Variants in CSMD1 observed in about 807,000 individuals in gnomAD.
CSMD1 encodes CUB and Sushi multiple domains 1.
In CSMD1, 213 loss-of-function variants were observed where a neutral mutation model predicts 417.5. The observed-to-expected ratio is 0.51, with a 90% confidence interval of 0.46 to 0.57. The LOEUF (loss-of-function observed/expected upper bound fraction) is 0.57. Among genes scored for constraint, CSMD1 ranks in the 20% least tolerant of loss-of-function variants. The pLI, the probability that CSMD1 is intolerant of heterozygous loss-of-function variation, is 0.00. For missense variants in CSMD1, 6,923 were observed against 4,529.7 expected, an observed-to-expected ratio of 1.53 and a Z score of -15.17; for synonymous variants, 2,862 against 1,736.8, an observed-to-expected ratio of 1.65 and a Z score of -16.11.
chr8:4,617,248 C>G lies in CSMD1; in HGVS notation c.302+20094G>C, dbSNP rs893287820. Among the ~76,000 whole-genome samples, 14 of 152,080 alleles carry G rather than the reference C, an allele frequency of 9.2e-5. 1 individual carries two copies. The highest frequency in any genetic ancestry group is 3.1e-4 in the African/African-American group (13 of 41,416). ...TGAATAAAGAAAATATAAATAAAAT[C>G]TTTAAGAGCGATTACTTGCTTCACC... On this transcript the variant is annotated intron_variant, in intron 2 of 69. Coordinates refer to ENST00000635120, the MANE Select transcript of CSMD1 (RefSeq NM_033225.6).
At chr8:3,193,860 A>T (rs1275253439) in intron 33 of CSMD1, among the ~76,000 whole-genome samples, 1 of 152,198 alleles carries the variant, frequency 6.6e-6, no homozygotes, top group Non-Finnish European at 1.5e-5. Flanking sequence ...ATCACCCTTC[A>T]ACACCACAAA....
chr8:4,306,493 C>T (rs1403988851), intron 3 of CSMD1, among the ~76,000 whole-genome samples: 1 of 152,080 alleles, frequency 6.6e-6, no homozygotes, highest in African/African-American at 2.4e-5. Context: ...GGTGTAAGAT[C>T]TCATTTCTAG....
chr8:3,307,637 C>G (rs918633351), intron 25 of CSMD1, 58 bp downstream of exon 25: 1 of 1,548,352 alleles, frequency 6.5e-7, no homozygotes, highest in Non-Finnish European at 8.8e-7. Flanking sequence ...ATCTCTGCTA[C>G]AAGAATAGAA....
Position 4,181,977 on chromosome 8 carries a change from G to GTGA in CSMD1, c.416-149879_416-149878insTCA, listed in dbSNP as rs1584973459. Among the ~76,000 whole-genome samples the GTGA allele has an allele frequency of 3.6e-5, 5 of 137,484 alleles. No homozygotes were observed. The East Asian group carries it at 6.8e-4, about 19-fold the overall frequency. 90.2% of individuals were successfully genotyped at this position (137,484 alleles called of 152,430 possible). ...GTCTGCGTGTGTGTGTGTGTGTGAT[G>GTGA]TGTGTGTAATGTTTACATTTTTAAG... On this transcript the variant is annotated intron_variant, in intron 3 of 69. Transcript: ENST00000635120.
intron 3 of CSMD1, among the ~76,000 whole-genome samples, chr8:4,355,485 G>C (rs1245353708): frequency 2.0e-5 from 3 of 152,108 alleles, no homozygotes; most frequent in Non-Finnish European, 2.9e-5. Flanking sequence ...TTTATTAAAA[G>C]TAGAGTGAAT....
At chr8:4,089,770 G>T (rs1048598550) in intron 3 of CSMD1, among the ~76,000 whole-genome samples, 1 of 152,100 alleles carries the variant, frequency 6.6e-6, no homozygotes, top group Non-Finnish European at 1.5e-5. Flanking sequence ...GGGTATTTTT[G>T]TTATGGGCAA....
chr8:3,690,706 A>G (rs996994182), intron 7 of CSMD1, among the ~76,000 whole-genome samples: 7 of 152,190 alleles, frequency 4.6e-5, no homozygotes, highest in African/African-American at 1.7e-4. Context: ...TAAAGCGCAT[A>G]GCTGATACAT....
At chr8:4,288,144 A>T (rs146080310) in intron 3 of CSMD1, among the ~76,000 whole-genome samples, 30 of 152,100 alleles carry the variant, frequency 2.0e-4, no homozygotes, top group Non-Finnish European at 1.6e-4. Flanking sequence ...TTAAAGTTTG[A>T]CTGAGAAAAG....
intron 3 of CSMD1, among the ~76,000 whole-genome samples, chr8:4,386,303 C>T (rs1043042279): frequency 6.6e-6 from 1 of 152,092 alleles, no homozygotes; most frequent in Non-Finnish European, 1.5e-5. Flanking sequence ...AAACAAAACA[C>T]ACTATCAGAC....
chr8:3,836,511 A>C (rs1342546238), intron 5 of CSMD1, among the ~76,000 whole-genome samples: 3 of 152,170 alleles, frequency 2.0e-5, no homozygotes, highest in Non-Finnish European at 4.4e-5. Flanking sequence ...ATTTTAAGCC[A>C]CATCTTACCC....
intron 2 of CSMD1, among the ~76,000 whole-genome samples, chr8:4,454,114 G>A (rs182664585): frequency 3.3e-5 from 5 of 152,064 alleles, no homozygotes; most frequent in Admixed American, 6.5e-5. Flanking sequence ...GAGCCACTGT[G>A]CCCAGCCTGC....
chr8:4,067,428 G>T (rs185309893), intron 3 of CSMD1, among the ~76,000 whole-genome samples: 22 of 152,038 alleles, frequency 1.4e-4, no homozygotes, highest in Non-Finnish European at 2.8e-4. Flanking sequence ...ATTTCCCAGA[G>T]AATTTATTAT....
At chr8:3,553,568 G>T (rs1009844882) in intron 10 of CSMD1, among the ~76,000 whole-genome samples, 1 of 152,200 alleles carries the variant, frequency 6.6e-6, no homozygotes, top group Non-Finnish European at 1.5e-5. Context: ...AACAATTACA[G>T]CTCTACCTTT....
chr8:4,854,254 T>C (rs1315533340), intron 1 of CSMD1, among the ~76,000 whole-genome samples: 2 of 152,124 alleles, frequency 1.3e-5, no homozygotes, highest in East Asian at 3.9e-4. Context: ...AAGTCTTATG[T>C]TGAAATATAA....
At chr8:4,814,996 T>G (rs1390819824) in intron 1 of CSMD1, among the ~76,000 whole-genome samples, 1 of 152,160 alleles carries the variant, frequency 6.6e-6, no homozygotes, top group Admixed American at 6.5e-5. Flanking sequence ...ATTTTCCGTT[T>G]TTTAAATTTA....
chr8:3,977,424 G>GT (rs1302751893), intron 5 of CSMD1, among the ~76,000 whole-genome samples: 2 of 151,998 alleles, frequency 1.3e-5, no homozygotes, highest in East Asian at 1.9e-4. Flanking sequence ...TGTTGTTCCT[G>GT]TTTTTTCCAT....
At chr8:2,957,261 T>C (rs1311499803) in intron 63 of CSMD1, among the ~76,000 whole-genome samples, 1 of 152,188 alleles carries the variant, frequency 6.6e-6, no homozygotes, top group Non-Finnish European at 1.5e-5. Context: ...CGTTATTCAG[T>C]TCATCCTCTC....
At chr8:3,651,260 C>A (rs756729963) in intron 7 of CSMD1, among the ~76,000 whole-genome samples, 1 of 152,146 alleles carries the variant, frequency 6.6e-6, no homozygotes, top group Admixed American at 6.5e-5. Context: ...GGTTGAAACA[C>A]CTCAAAGGAT....
intron 5 of CSMD1, among the ~76,000 whole-genome samples, chr8:3,814,816 C>T (rs921164531): frequency 6.6e-6 from 1 of 152,122 alleles, no homozygotes; most frequent in African/African-American, 2.4e-5. Flanking sequence ...TTATTTCAAG[C>T]CAACTCCAGT....
Sources: allele counts gnomAD v4.1 joint callset (sites outside exome capture counted in the v4.1 genomes callset), GRCh38; gene constraint gnomAD v4.1.1; transcripts MANE v1.5; gene names NCBI Gene and HGNC (gene_info 2026-07-23, HGNC 2026-07-21).